Variants in ANXA3 observed in about 807,000 individuals in gnomAD.
The protein encoded by ANXA3 is annexin A3, also known as 35-alpha calcimedin.
Under a neutral mutation model 48.8 loss-of-function variants are expected in ANXA3, and 46 were observed. That is an observed-to-expected ratio of 0.94 (90% CI 0.74 to 1.21). The LOEUF (loss-of-function observed/expected upper bound fraction) is 1.21. ANXA3 is among the 50% of genes most tolerant of loss of function. ANXA3 has a pLI of 0.00. For missense variants in ANXA3, 383 were observed against 378.6 expected (o/e 1.01, Z -0.10); for synonymous variants, 128 against 134.7 (o/e 0.95, Z 0.35).
At position 78,597,317 on chromosome 4, in the gene ANXA3, A is replaced by T. The variant is rs1196658218; in HGVS notation, c.635-2A>T. 1.3e-6 allele frequency: 2 copies of T among 1,590,304 alleles called. No individual in the cohort carries two copies. Among genetic ancestry groups the T allele is most frequent in the Admixed American group, 1.7e-5 (1 of 58,424 alleles). On this transcript the variant is annotated splice_acceptor_variant, in intron 9 of 12. Coordinates refer to ENST00000264908, the MANE Select transcript of ANXA3 (RefSeq NM_005139.3). LOFTEE classifies it high-confidence loss of function. ...AAATAATTTTGTGGTGCTTCTTTTT[A>T]GCATTTGATGAATACAGAAATATCA... is the stretch of plus-strand genomic sequence containing the variant.
In ANXA3 at chr4:78,586,477, C is replaced by T. The variant is rs1445190039; in HGVS notation, c.403+127C>T. 4 of 634,120 alleles carry T rather than the reference C, an allele frequency of 6.3e-6. No homozygotes were observed. The African/African-American group carries it at 7.4e-5, about 12-fold the overall frequency. The allele number at this position is 634,120 out of a possible 1,614,324, so 39.3% of individuals were successfully genotyped here. On this transcript the variant is annotated intron_variant, in intron 6 of 12. Coordinates refer to ENST00000264908, the MANE Select transcript of ANXA3 (RefSeq NM_005139.3). Reference sequence around the variant, plus strand: ...GACAAGACTTACAGAAACGAGAATACATTCTAAAATCAGCTAAAGACTATG... The same window carrying T: ...GACAAGACTTACAGAAACGAGAATATATTCTAAAATCAGCTAAAGACTATG...
At position 78,607,547 on chromosome 4, in the gene ANXA3, G is replaced by A. The variant is rs548943328; in HGVS notation, c.913-2509G>A. On this transcript the variant is annotated intron_variant, in intron 12 of 12. Coordinates refer to ENST00000264908, the MANE Select transcript of ANXA3 (RefSeq NM_005139.3). ...AAATTTAGATGAAATTATATTTTTT[G>A]GTAGTTTTCCTTCATAGACAAATTC... Among the ~76,000 whole-genome samples, 168 of 152,122 alleles carry A rather than the reference G, an allele frequency of 1.1e-3. No homozygotes were observed. In the Middle Eastern group the frequency reaches 0.02, roughly 18 times the overall value.
chr4:78,576,494 G>T (rs1335271415), intron 3 of ANXA3, among the ~76,000 whole-genome samples: 1 of 152,056 alleles, frequency 6.6e-6, no homozygotes, highest in East Asian at 1.9e-4. Flanking sequence ...ACAGGGTCTT[G>T]CTATGTTGCC....
At chr4:78,561,967 G>T (rs1342186177) in intron 2 of ANXA3, among the ~76,000 whole-genome samples, 1 of 152,234 alleles carries the variant, frequency 6.6e-6, no homozygotes, top group Non-Finnish European at 1.5e-5. Flanking sequence ...TCCTAGGAAT[G>T]AGTGGAATGA....
intron 1 of ANXA3, chr4:78,552,098 C>G (rs971846552): frequency 6.6e-6 from 1 of 152,368 alleles, no homozygotes; most frequent in African/African-American, 2.4e-5. Flanking sequence ...GGGAAAGTGC[C>G]GTGCCATGGG....
At chr4:78,561,950 A>G (rs1560440287) in intron 2 of ANXA3, among the ~76,000 whole-genome samples, 1 of 152,350 alleles carries the variant, frequency 6.6e-6, no homozygotes, top group East Asian at 1.9e-4. Flanking sequence ...GTGAGAACAG[A>G]GAGGCTTCCT....
intron 6 of ANXA3, among the ~76,000 whole-genome samples, chr4:78,588,291 G>T (rs1399505734): frequency 1.3e-5 from 2 of 152,002 alleles, no homozygotes; most frequent in Non-Finnish European, 2.9e-5. Flanking sequence ...TCCTCAGGAG[G>T]CTCAAGTGGG....
At chr4:78,598,915 A>C (rs979250830) in intron 10 of ANXA3, among the ~76,000 whole-genome samples, 3 of 152,088 alleles carry the variant, frequency 2.0e-5, no homozygotes, top group Non-Finnish European at 4.4e-5. Flanking sequence ...ATGTTTGAAA[A>C]ACTTTGTTGA....
chr4:78,557,942 T>C (rs981784639), intron 2 of ANXA3, among the ~76,000 whole-genome samples: 2 of 152,172 alleles, frequency 1.3e-5, no homozygotes, highest in Admixed American at 1.3e-4. Context: ...GCAGTACTTT[T>C]TACAATAGCC....
intron 2 of ANXA3, among the ~76,000 whole-genome samples, chr4:78,570,438 C>T (rs1560442521): frequency 6.6e-6 from 1 of 152,192 alleles, no homozygotes; most frequent in East Asian, 1.9e-4. Flanking sequence ...TCAGCCACGT[C>T]AATATCTGCA....
At chr4:78,604,458 C>T in intron 12 of ANXA3, 59 bp downstream of exon 12, 1 of 1,363,686 alleles carries the variant, frequency 7.3e-7, no homozygotes, top group Non-Finnish European at 1.0e-6. Context: ...CATCTCCTTA[C>T]TCTTATATGC....
In ANXA3 at chr4:78,582,375, TG is replaced by T. The variant is rs1428375789; in HGVS notation, c.312+88del. The T allele has an allele frequency of 2.0e-5, 17 of 855,942 alleles. No homozygotes were observed. In the African/African-American group the frequency reaches 2.4e-4, roughly 12 times the overall value. The allele number at this position is 855,942 out of a possible 1,614,324, so 53.0% of individuals were successfully genotyped here. A position where few individuals can be genotyped will look rare whatever the true frequency, so the allele number is the denominator to read the frequency against. On this transcript the variant is annotated intron_variant, in intron 5 of 12. Transcript: ENST00000264908. Reference sequence around the variant, plus strand: ...ACTTTCTTGCAGTGCACACTTGTGATGGGTGGACTTGGATGCCCTTTTGGTC... The same window carrying T: ...ACTTTCTTGCAGTGCACACTTGTGATGGTGGACTTGGATGCCCTTTTGGTC...
Position 78,595,451 on chromosome 4 carries a change from C to T in ANXA3, c.540+14C>T, listed in dbSNP as rs759589738. 1.5e-5 allele frequency: 24 copies of T among 1,612,114 alleles called. No homozygotes were observed. Among genetic ancestry groups the T allele is most frequent in the South Asian group, 7.7e-5 (7 of 90,614 alleles). On this transcript the variant is annotated intron_variant, in intron 8 of 12. Transcript: ENST00000264908. ...CAAGATGCCCAGGTCAGTAACAAAG[C>T]GGGAAAACATTTCCTTTACCTATTC...
intron 12 of ANXA3, among the ~76,000 whole-genome samples, chr4:78,607,849 G>A (rs942048877): frequency 6.6e-6 from 1 of 152,148 alleles, no homozygotes; most frequent in African/African-American, 2.4e-5. Context: ...TGTGGGCCAG[G>A]TGCTCTGCTG....
chr4:78,571,473 T>A (rs186779463), intron 2 of ANXA3, among the ~76,000 whole-genome samples: 5 of 152,342 alleles, frequency 3.3e-5, no homozygotes, highest in Admixed American at 2.6e-4. Flanking sequence ...ATCTAATGAA[T>A]CAGCAGACTA....
At chr4:78,597,457 C>A (rs1723445755) in intron 10 of ANXA3, 43 bp downstream of exon 10, 2 of 1,342,656 alleles carry the variant, frequency 1.5e-6, no homozygotes, top group Non-Finnish European at 2.1e-6. Context: ...TTTGCACTTG[C>A]TTTAACTCAG....
intron 6 of ANXA3, among the ~76,000 whole-genome samples, chr4:78,587,282 C>T (rs1723198699): frequency 6.6e-6 from 1 of 152,190 alleles, no homozygotes; most frequent in African/African-American, 2.4e-5. Context: ...CTACACTCCC[C>T]AGAGGTCAGG....
chr4:78,561,162 G>T (rs917594047), intron 2 of ANXA3, among the ~76,000 whole-genome samples: 1 of 152,238 alleles, frequency 6.6e-6, no homozygotes, highest in East Asian at 1.9e-4. Flanking sequence ...TGTTGGGAAA[G>T]GCTGCCAGGA....
intron 3 of ANXA3, among the ~76,000 whole-genome samples, chr4:78,577,558 T>C (rs1268849774): frequency 6.6e-6 from 1 of 152,224 alleles, no homozygotes; most frequent in Non-Finnish European, 1.5e-5. Flanking sequence ...TATTTAACTA[T>C]GTGTAAGAAT....
Sources: gnomAD v4.1 joint callset for allele counts (sites outside exome capture counted in the v4.1 genomes callset) on GRCh38, gnomAD v4.1.1 for gene constraint, MANE v1.5 for transcripts, NCBI Gene and HGNC (gene_info 2026-07-23, HGNC 2026-07-21) for gene names.